The following SRGAP2 variants were observed in gnomAD, a reference collection of about 807,000 sequenced individuals.
SRGAP2 encodes SLIT-ROBO Rho GTPase-activating protein 2.
In SRGAP2, 15 loss-of-function variants were observed where a neutral mutation model predicts 57.2. That is an observed-to-expected ratio of 0.26 (90% CI 0.18 to 0.40). The LOEUF is 0.40. Ranked by LOEUF, SRGAP2 falls within the 10% of genes least tolerant of loss-of-function variation. The pLI, the probability that SRGAP2 is intolerant of heterozygous loss-of-function variation, is 1.00. For synonymous variants in SRGAP2, 249 were observed against 248.0 expected, an observed-to-expected ratio of 1.00 and a Z score of -0.04; for missense variants, 520 against 669.6, an observed-to-expected ratio of 0.78 and a Z score of 2.47.
rs1663544760 is a variant in SRGAP2, at chr1:206,453,640, G to A, written c.2360+260G>A. On this transcript the variant is annotated intron_variant, in intron 20 of 22. Transcript: ENST00000573034. ...CCTAATCCAGTCATTTTAGAAACCTGCCAGCCAGCCAGCACTCATCCATAT... is the reference window on the plus strand; with the variant it reads ...CCTAATCCAGTCATTTTAGAAACCTACCAGCCAGCCAGCACTCATCCATAT... The A allele has an allele frequency of 2.3e-5, 7 of 307,428 alleles. No homozygotes were observed. The South Asian group carries it at 7.5e-4, about 33-fold the overall frequency. 19.0% of individuals were successfully genotyped at this position (307,428 alleles called of 1,614,324 possible). A position where few individuals can be genotyped will look rare whatever the true frequency, so the allele number is the denominator to read the frequency against.
At chr1:206,374,268 G>A (rs1477964005) in intron 4 of SRGAP2, among the ~76,000 whole-genome samples, 2 of 151,020 alleles carry the variant, frequency 1.3e-5, no homozygotes, top group Admixed American at 1.3e-4. Flanking sequence ...CGCCCGCTTC[G>A]GCCTCCCAAA....
intron 2 of SRGAP2, among the ~76,000 whole-genome samples, chr1:206,287,256 G>A (rs1671077092): frequency 6.6e-6 from 1 of 151,906 alleles, no homozygotes; most frequent in African/African-American, 2.4e-5. Flanking sequence ...AAGAGTTCAG[G>A]TTCGGGCATG....
intron 4 of SRGAP2, among the ~76,000 whole-genome samples, chr1:206,383,240 G>C (rs1168248582): frequency 4.0e-5 from 6 of 149,850 alleles, no homozygotes; most frequent in Non-Finnish European, 8.8e-5. Context: ...GGCCATGCTG[G>C]TCTCGAATTC....
chr1:206,453,442 C>T (rs1371380693), intron 20 of SRGAP2, 62 bp downstream of exon 20: 8 of 504,622 alleles, frequency 1.6e-5, no homozygotes, highest in Admixed American at 7.3e-5. Flanking sequence ...AGTGAGACTT[C>T]ATTTCTGGAG....
At chr1:206,353,185 A>G (rs1269196089) in intron 4 of SRGAP2, among the ~76,000 whole-genome samples, 1 of 152,170 alleles carries the variant, frequency 6.6e-6, no homozygotes, top group Non-Finnish European at 1.5e-5. Flanking sequence ...AATTTGAGAA[A>G]AATTTTTGGC....
chr1:206,437,842 C>T, intron 15 of SRGAP2, 122 bp from the exon 16 acceptor site: 1 of 704,300 alleles, frequency 1.4e-6, no homozygotes, highest in Non-Finnish European at 2.6e-6. Context: ...GGCCACCATG[C>T]CGGGCAGAAA....
chr1:206,239,496 C>G (rs1157536657), intron 2 of SRGAP2, among the ~76,000 whole-genome samples: 3 of 152,116 alleles, frequency 2.0e-5, no homozygotes, highest in African/African-American at 7.2e-5. Context: ...CTTCCTCTGT[C>G]GCCCAGGCTG....
At chr1:206,433,597 C>T (rs1217272783) in intron 14 of SRGAP2, among the ~76,000 whole-genome samples, 1 of 150,582 alleles carries the variant, frequency 6.6e-6, no homozygotes, top group Non-Finnish European at 1.5e-5. Flanking sequence ...GACCACACCA[C>T]TGCACTCCAG....
At chr1:206,290,722 T>G (rs1671270690) in intron 2 of SRGAP2, among the ~76,000 whole-genome samples, 1 of 151,474 alleles carries the variant, frequency 6.6e-6, no homozygotes, top group Non-Finnish European at 1.5e-5. Flanking sequence ...TTCTAATAAC[T>G]TTATAAATAT....
At chr1:206,444,790 A>G (rs916980707) in intron 17 of SRGAP2, among the ~76,000 whole-genome samples, 1 of 152,236 alleles carries the variant, frequency 6.6e-6, no homozygotes, top group East Asian at 1.9e-4. Flanking sequence ...CCTGTGAAGC[A>G]ATCCAATGAG....
chr1:206,291,809 A>G (rs1671340796), intron 2 of SRGAP2, among the ~76,000 whole-genome samples: 2 of 149,038 alleles, frequency 1.3e-5, no homozygotes, highest in African/African-American at 2.6e-5. Flanking sequence ...CTTATAACCA[A>G]CCAGTCACTT....
intron 3 of SRGAP2, among the ~76,000 whole-genome samples, chr1:206,333,822 C>T (rs1289560650): frequency 3.9e-5 from 6 of 152,246 alleles, no homozygotes; most frequent in Non-Finnish European, 8.8e-5. Context: ...GTTCAAGGCG[C>T]TTTCCACAGA....
At chr1:206,430,597 T>G (rs1163973229) in intron 14 of SRGAP2, among the ~76,000 whole-genome samples, 4 of 152,246 alleles carry the variant, frequency 2.6e-5, no homozygotes, top group Non-Finnish European at 4.4e-5. Context: ...ATTTTGTCAC[T>G]TTCTGTACCA....
In SRGAP2 at chr1:206,360,358, G is replaced by A. The variant is rs551542003; in HGVS notation, c.423+17350G>A. Among the ~76,000 whole-genome samples, 5 of 147,378 alleles carry A rather than the reference G, an allele frequency of 3.4e-5. No homozygotes were observed. The East Asian group carries it at 7.9e-4, about 23-fold the overall frequency. ...AGATGTGGTCTGGGGCAGCGAGCAG[G>A]TTTCTTCAGGAAGGGCCTTGGAGGC... On this transcript the variant is annotated intron_variant, in intron 4 of 22. Coordinates refer to ENST00000573034, the MANE Select transcript of SRGAP2 (RefSeq NM_015326.5).
intron 2 of SRGAP2, among the ~76,000 whole-genome samples, chr1:206,213,764 C>A (rs1201734199): frequency 6.6e-6 from 1 of 151,950 alleles, no homozygotes. Flanking sequence ...TACAAAAATA[C>A]AAAAATTAGC....
chr1:206,232,811 T>C (rs1667717872), intron 2 of SRGAP2, among the ~76,000 whole-genome samples: 1 of 120,726 alleles, frequency 8.3e-6, no homozygotes, highest in East Asian at 2.3e-4. Flanking sequence ...AAATTAGTAA[T>C]CCCATTTAAA....
At chr1:206,393,744 G>A (rs1553352303) in intron 7 of SRGAP2, 71 bp downstream of exon 7, 1 of 546,708 alleles carries the variant, frequency 1.8e-6, no homozygotes. Flanking sequence ...GACATTCCCC[G>A]ATACTATTGT....
intron 2 of SRGAP2, among the ~76,000 whole-genome samples, chr1:206,275,683 C>CT (rs1481694171): frequency 1.3e-5 from 2 of 148,866 alleles, no homozygotes; most frequent in Admixed American, 1.3e-4. Context: ...GGCGCGATCT[C>CT]TGCTCACTGC....
At chr1:206,262,990 G>C (rs1407257765) in intron 2 of SRGAP2, among the ~76,000 whole-genome samples, 1 of 139,356 alleles carries the variant, frequency 7.2e-6, no homozygotes, top group Non-Finnish European at 1.6e-5. Context: ...AATACAGAGC[G>C]TACCTGAATC....
Sources: gnomAD v4.1 joint callset for allele counts (sites outside exome capture counted in the v4.1 genomes callset) on GRCh38, gnomAD v4.1.1 for gene constraint, MANE v1.5 for transcripts, NCBI Gene and HGNC (gene_info 2026-07-23, HGNC 2026-07-21) for gene names.